SERPIND1: variants seen among roughly 807,000 people sequenced by gnomAD.
SERPIND1 encodes the protein heparin cofactor 2.
In SERPIND1, 34 loss-of-function variants were observed where a neutral mutation model predicts 35.0. The observed-to-expected ratio is 0.97, with a 90% CI of 0.74 to 1.29. SERPIND1 has a LOEUF of 1.29. SERPIND1 is among the 50% of genes most tolerant of loss of function. SERPIND1 has a pLI of 0.00. For synonymous variants in SERPIND1, 236 were observed against 241.1 expected (o/e 0.98, Z 0.19); for missense variants, 633 against 637.7 (o/e 0.99, Z 0.08).
chr22:20,785,049 T>C (rs933331834), intron 3 of SERPIND1, among the ~76,000 whole-genome samples: 2 of 151,822 alleles, frequency 1.3e-5, no homozygotes, highest in Admixed American at 6.6e-5. Flanking sequence ...CCGGCAGCTC[T>C]TGAGAAAGGG....
intron 1 of SERPIND1, among the ~76,000 whole-genome samples, chr22:20,778,477 C>A (rs936586656): frequency 2.6e-5 from 4 of 152,124 alleles, no homozygotes; most frequent in Non-Finnish European, 4.4e-5. Flanking sequence ...GCACTCCAGC[C>A]TGGGTGACAG....
rs771239760 is a variant in SERPIND1 at position 20,786,948 on chromosome 22, T to C, written c.1382T>C (p.Met461Thr). ...QATTVTTVGF[M>T]PLSTQVRFTV... is the part of the protein sequence containing the mutation. ...ACCACTGTGACCACGGTGGGGTTCA[T>C]GCCGCTGTCCACCCAAGTCCGCTTC... Residue 461 changes from methionine to threonine, a missense_variant, in exon 5 of 5, where the codon ATG (methionine) becomes ACG (threonine). Physicochemically the swap from Met to Thr is moderately conservative, Grantham distance 81 (BLOSUM62 -1). Coordinates refer to ENST00000215727, the MANE Select transcript of SERPIND1 (RefSeq NM_000185.4). 5 of 1,614,168 alleles carry C rather than the reference T, an allele frequency of 3.1e-6. No homozygotes were observed. The highest frequency in any genetic ancestry group is 4.2e-6 in the Non-Finnish European group (5 of 1,180,034).
At position 20,784,280 on chromosome 22, in the gene SERPIND1, C is replaced by T. The variant is rs950012527; in HGVS notation, c.1163+35C>T. On this transcript the variant is annotated intron_variant, in intron 3 of 4. Coordinates refer to ENST00000215727, the MANE Select transcript of SERPIND1 (RefSeq NM_000185.4). ...ACTGTGTGTTTGTTCTTTTGAGCTC[C>T]CAGATGCTGGGGGTGTCTGGGAATA... is the stretch of plus-strand genomic sequence containing the variant. The T allele has an allele frequency of 3.7e-6, 6 of 1,613,654 alleles. No homozygotes were observed. The African/African-American group carries it at 5.3e-5, about 14-fold the overall frequency.
chr22:20,786,362 G>A (rs574849172), intron 4 of SERPIND1, among the ~76,000 whole-genome samples: 8 of 152,252 alleles, frequency 5.3e-5, no homozygotes, highest in Non-Finnish European at 8.8e-5. Context: ...GGGCAGGGGG[G>A]ATCCCAAGAG....
chr22:20,785,902 T>G, intron 3 of SERPIND1, 102 bp from the exon 4 acceptor site: 1 of 1,502,540 alleles, frequency 6.7e-7, no homozygotes, highest in Non-Finnish European at 9.2e-7. Context: ...GCTATATCAA[T>G]TCTGTGATAA....
rs916253803 is a variant in SERPIND1, at chr22:20,780,121, C to T, written c.809C>T (p.Thr270Ile). ...SKTNNHIMKLTKGLIKDALEN... is the reference protein window; with the variant it reads ...SKTNNHIMKLIKGLIKDALEN... The stretch of plus-strand genomic sequence containing the variant: ...ACCAACAACCACATCATGAAGCTCA[C>T]CAAGGGCCTCATAAAAGATGCTCTG... Residue 270 changes from threonine (T) to isoleucine (I), a missense_variant, in exon 2 of 5, where the codon ACC becomes ATC. Thr to Ile is a moderately conservative substitution (Grantham distance 89, BLOSUM62 -1). Coordinates refer to ENST00000215727, the MANE Select transcript of SERPIND1 (RefSeq NM_000185.4). 31 of 1,614,200 alleles carry T rather than the reference C, an allele frequency of 1.9e-5. No individual in the cohort carries two copies. Among genetic ancestry groups the T allele is most frequent in the Non-Finnish European group, 2.5e-5 (30 of 1,180,034 alleles).
intron 3 of SERPIND1, among the ~76,000 whole-genome samples, chr22:20,785,474 A>C (rs895417108): frequency 9.2e-5 from 14 of 152,186 alleles, no homozygotes; most frequent in Admixed American, 3.9e-4. Flanking sequence ...TTGCACCTTA[A>C]ATCTCTTTAT....
At chr22:20,780,397 T>G (rs1159801798) in intron 2 of SERPIND1, among the ~76,000 whole-genome samples, 196 bp downstream of exon 2, 1 of 152,246 alleles carries the variant, frequency 6.6e-6, no homozygotes, top group Non-Finnish European at 1.5e-5. Context: ...GCCCTAACTC[T>G]GTGCTTTAAC....
At position 20,786,063 on chromosome 22, in the gene SERPIND1, C is replaced by T; in HGVS notation, c.1223C>T (p.Ser408Phe). ...GAGAAGAACTACAATCTAGTGGAGT[C>T]CCTGAAGTTGATGGGGATCAGGATG... ...KLEKNYNLVE[S>F]LKLMGIRMLF... Residue 408 changes from serine to phenylalanine, a missense_variant, in exon 4 of 5, where the codon TCC (serine) becomes TTC (phenylalanine). By Grantham distance (155) the Ser-to-Phe change is radical. Coordinates refer to ENST00000215727, the MANE Select transcript of SERPIND1 (RefSeq NM_000185.4). 4 of 1,614,116 alleles carry T rather than the reference C, an allele frequency of 2.5e-6. No individual in the cohort carries two copies. Among genetic ancestry groups the T allele is most frequent in the Non-Finnish European group, 3.4e-6 (4 of 1,180,030 alleles).
At chr22:20,786,385 G>A (rs553900923) in intron 4 of SERPIND1, among the ~76,000 whole-genome samples, 37 of 152,324 alleles carry the variant, frequency 2.4e-4, no homozygotes, top group African/African-American at 8.4e-4. Context: ...GCCATGGGGT[G>A]AGCCCCACTC....
intron 2 of SERPIND1, among the ~76,000 whole-genome samples, chr22:20,782,019 A>G (rs986645801): frequency 6.6e-5 from 10 of 152,240 alleles, no homozygotes; most frequent in South Asian, 4.1e-4. Context: ...GTACAATATG[A>G]TAAACATATG....
At chr22:20,777,736 T>A (rs968561854) in intron 1 of SERPIND1, among the ~76,000 whole-genome samples, 6 of 152,198 alleles carry the variant, frequency 3.9e-5, no homozygotes, top group African/African-American at 1.2e-4. Flanking sequence ...GTCACTGTCC[T>A]GGCAAAACAT....
At chr22:20,780,234 C>T (rs1295350242) in intron 2 of SERPIND1, 33 bp downstream of exon 2, 1 of 1,614,082 alleles carries the variant, frequency 6.2e-7, no homozygotes, top group Non-Finnish European at 8.5e-7. Flanking sequence ...TCACAGCAAA[C>T]CCACAACATA....
Position 20,784,073 on chromosome 22 carries a change from A to T in SERPIND1, c.991A>T (p.Asn331Tyr), listed in dbSNP as rs1934010454. 4 of 1,614,160 alleles carry T rather than the reference A, an allele frequency of 2.5e-6. No individual in the cohort carries two copies. The highest frequency in any genetic ancestry group is 3.4e-6 in the Non-Finnish European group (4 of 1,180,030). The part of the protein sequence containing the change: ...VKVSMMQTKG[N>Y]FLAANDQELD... ...GGTTTCCATGATGCAGACCAAGGGG[A>T]ACTTCCTCGCAGCAAATGACCAGGA... The change falls in exon 3 of 5, where the codon AAC (asparagine) becomes TAC (tyrosine). Residue 331 changes from asparagine (N) to tyrosine (Y), a missense_variant. Physicochemically the swap from Asn to Tyr is moderately radical, Grantham distance 143 (BLOSUM62 -2). Coordinates refer to ENST00000215727, the MANE Select transcript of SERPIND1 (RefSeq NM_000185.4).
chr22:20,777,043 G>GTT (rs362134), intron 1 of SERPIND1, among the ~76,000 whole-genome samples: 5 of 148,538 alleles, frequency 3.4e-5, no homozygotes, highest in South Asian at 2.1e-4. Flanking sequence ...GTTTTTTTTT[G>GTT]TTTTTTTTTT....
chr22:20,786,791 C>T, intron 4 of SERPIND1, 84 bp from the exon 5 acceptor site: 1 of 1,347,754 alleles, frequency 7.4e-7, no homozygotes, highest in Non-Finnish European at 1.1e-6. Flanking sequence ...TGGATCCTTT[C>T]CCTGAATGAT....
chr22:20,784,132 G>C lies in SERPIND1; in HGVS notation c.1050G>C (p.Val350=), dbSNP rs766864591. 2.5e-6 allele frequency: 4 copies of C among 1,614,172 alleles called. No homozygotes were observed. Among genetic ancestry groups the C allele is most frequent in the South Asian group, 1.1e-5 (1 of 91,082 alleles). Residue 350 remains valine, a synonymous_variant, in exon 3 of 5, where the codon GTG becomes GTC. Transcript: ENST00000215727. ...GCGACATCCTCCAGCTGGAATACGT[G>C]GGGGGCATCAGCATGCTAATTGTGG... is the stretch of plus-strand genomic sequence containing the variant. ...LDCDILQLEY[V]GGISMLIVVP...
At position 20,779,983 on chromosome 22, in the gene SERPIND1, T is replaced by A; in HGVS notation, c.671T>A (p.Leu224His). ...FGYTLRSVND[L>H]YIQKQFPILL... ...TACACACTGCGGTCAGTCAATGACC[T>A]TTATATCCAGAAGCAGTTTCCAATC... is the stretch of plus-strand genomic sequence containing the variant. The change falls in exon 2 of 5, where the codon CTT becomes CAT. Residue 224 changes from leucine (L) to histidine (H), a missense_variant. Leu to His is a moderately conservative substitution (Grantham distance 99). Coordinates refer to ENST00000215727, the MANE Select transcript of SERPIND1 (RefSeq NM_000185.4). 1 of 1,614,208 alleles carries A rather than the reference T, an allele frequency of 6.2e-7. No individual in the cohort carries two copies.
intron 3 of SERPIND1, among the ~76,000 whole-genome samples, chr22:20,785,755 TAGGAAACGAACCATACAGTCTCA>T (rs1934168163): frequency 1.3e-5 from 2 of 152,040 alleles, no homozygotes; most frequent in Non-Finnish European, 2.9e-5. Flanking sequence ...ACCTTGAAGA[TAGGAAACGAACCATACAGTCTCA>T]AGGAAATAAT....
Sources: gnomAD v4.1 joint callset for allele counts (sites outside exome capture counted in the v4.1 genomes callset) on GRCh38, gnomAD v4.1.1 for gene constraint, MANE v1.5 for transcripts, NCBI Gene and HGNC (gene_info 2026-07-23, HGNC 2026-07-21) for gene names.